The following NKTR variants were observed in gnomAD, a reference collection of about 807,000 sequenced individuals.
NKTR encodes NK-tumor recognition protein.
Under a neutral mutation model 156.3 loss-of-function variants are expected in NKTR, and 67 were observed. The observed-to-expected ratio is 0.43, with a 90% CI of 0.35 to 0.53. NKTR has a LOEUF of 0.53. NKTR is among the 20% of genes least tolerant of loss of function. NKTR has a pLI of 0.01. For missense variants in NKTR, 1,604 were observed against 1,730.9 expected, an observed-to-expected ratio of 0.93 and a Z score of 1.30; for synonymous variants, 640 against 596.6, an observed-to-expected ratio of 1.07 and a Z score of -1.06.
chr3:42,635,057 TAAA>T (rs58779310), intron 11 of NKTR, 161 bp from the exon 12 acceptor site: 11,298 of 284,906 alleles, frequency 0.04, 15 homozygotes, highest in East Asian at 0.062. Context: ...AGTTAAAAAC[TAAA>T]AAAAAAAAAA....
intron 8 of NKTR, among the ~76,000 whole-genome samples, chr3:42,632,061 CTTTT>C (rs564114469): frequency 1.4e-3 from 118 of 86,504 alleles, no homozygotes; most frequent in Non-Finnish European, 1.8e-3. Context: ...TTATGCAATT[CTTTT>C]TTTTTTTTTT....
At chr3:42,630,458 C>T in intron 6 of NKTR, 88 bp from the exon 7 acceptor site, 5 of 1,579,074 alleles carry the variant, frequency 3.2e-6, no homozygotes, top group East Asian at 2.4e-5. Context: ...CTTCTTTGTT[C>T]TCTACATGCT....
At position 42,638,613 on chromosome 3, in the gene NKTR, A is replaced by G; in HGVS notation, c.2909A>G (p.Asn970Ser). 6.2e-7 allele frequency: 1 copy of G among 1,613,862 alleles called. No individual in the cohort carries two copies. Among genetic ancestry groups the G allele is most frequent in the Non-Finnish European group, 8.5e-7 (1 of 1,179,972 alleles). The change falls in exon 13 of 17, where the codon AAT becomes AGT. Residue 970 changes from asparagine (N) to serine (S), a missense_variant. By Grantham distance (46) the Asn-to-Ser change is conservative (BLOSUM62 1). Transcript: ENST00000232978. ...GGGTCCTGTTCCAATTCGGAAAACA[A>G]TAGGGGAAAGCCACAAAAGCACAAA... is the stretch of plus-strand genomic sequence containing the variant. ...SEGSCSNSEN[N>S]RGKPQKHKHG...
chr3:42,638,101 C>T lies in NKTR; in HGVS notation c.2397C>T (p.Ser799=), dbSNP rs777557668. 78 of 1,613,780 alleles carry T rather than the reference C, an allele frequency of 4.8e-5. No homozygotes were observed. The highest frequency in any genetic ancestry group is 9.3e-5 in the African/African-American group (7 of 74,902). ...GGTCTTCATGTGTGAGAAAGTATAG[C>T]GAGAGCAGATCATCTTTAGATTATT... The part of the protein sequence containing the change: ...RDRSSCVRKY[S]ESRSSLDYSS... The change falls in exon 13 of 17, where the codon AGC becomes AGT. Residue 799 remains serine (S), a synonymous_variant. Transcript: ENST00000232978.
Position 42,603,374 on chromosome 3 carries a change from A to AC in NKTR, c.58+2310_58+2311insC, listed in dbSNP as rs1295953759. 1.2e-3 allele frequency among the ~76,000 whole-genome samples: 174 copies of AC among 142,182 alleles called. 1 individual carries two copies. Among genetic ancestry groups the AC allele is most frequent in the African/African-American group, 3.8e-3 (131 of 34,612 alleles). The allele number at this position is 142,182 out of a possible 152,430, so 93.3% of individuals were successfully genotyped here. ...GATCTTGTTTCTAAAAAAAAAAAAA[A>AC]AAAAAAAAAAACAGCTTAAGAAAAA... On this transcript the variant is annotated intron_variant, in intron 2 of 16. Coordinates refer to ENST00000232978, the MANE Select transcript of NKTR (RefSeq NM_005385.4).
intron 6 of NKTR, chr3:42,627,920 T>C: frequency 1.0e-6 from 1 of 985,080 alleles, no homozygotes; most frequent in Non-Finnish European, 1.2e-6. Context: ...GATTAAGAGT[T>C]AGTGAGATGA....
chr3:42,637,408 A>G lies in NKTR; in HGVS notation c.1704A>G (p.Arg568=). 6.2e-7 allele frequency: 1 copy of G among 1,613,516 alleles called. No individual in the cohort carries two copies. The highest frequency in any genetic ancestry group is 8.5e-7 in the Non-Finnish European group (1 of 1,179,872). The part of the protein sequence containing the change: ...GHRKRASKSP[R]KTASQLSENK... Reference sequence around the variant, plus strand: ...GAAAGAGAGCATCAAAATCACCAAGAAAAACAGCTTCTCAGTTAAGTGAAA... The same window carrying G: ...GAAAGAGAGCATCAAAATCACCAAGGAAAACAGCTTCTCAGTTAAGTGAAA... The change falls in exon 13 of 17, where the codon AGA becomes AGG. Residue 568 remains arginine, a synonymous_variant. Transcript: ENST00000232978.
intron 6 of NKTR, chr3:42,627,440 C>T (rs1577511861): frequency 1.0e-6 from 1 of 984,764 alleles, no homozygotes; most frequent in East Asian, 1.1e-4. Flanking sequence ...AGTTCCTGTA[C>T]ATCTTCTGGT....
chr3:42,615,445 G>A (rs1303340625), intron 2 of NKTR, among the ~76,000 whole-genome samples: 1 of 150,662 alleles, frequency 6.6e-6, no homozygotes, highest in Admixed American at 6.6e-5. Context: ...GGATAGGAAT[G>A]TAATCACATT....
At chr3:42,642,469 A>G (rs1321070876) in intron 13 of NKTR, 32 bp from the exon 14 acceptor site, 6 of 1,493,240 alleles carry the variant, frequency 4.0e-6, no homozygotes, top group Non-Finnish European at 5.6e-6. Context: ...AGTCAACATA[A>G]TTATATATTT....
chr3:42,617,477 G>T, intron 2 of NKTR, 93 bp from the exon 3 acceptor site: 1 of 643,664 alleles, frequency 1.6e-6, no homozygotes, highest in South Asian at 1.9e-5. Context: ...TACAAAAATA[G>T]ACTTTCTAAT....
At chr3:42,613,800 C>T (rs1240215846) in intron 2 of NKTR, among the ~76,000 whole-genome samples, 1 of 152,078 alleles carries the variant, frequency 6.6e-6, no homozygotes, top group Non-Finnish European at 1.5e-5. Flanking sequence ...TATTGTTCCC[C>T]TGTCTTATTT....
chr3:42,628,696 A>G, intron 6 of NKTR: 2 of 985,334 alleles, frequency 2.0e-6, no homozygotes, highest in Non-Finnish European at 2.4e-6. Context: ...CTGTAGAAAA[A>G]TTTACTTTTT....
intron 2 of NKTR, chr3:42,602,493 G>T (rs1189821765): frequency 6.6e-6 from 1 of 151,428 alleles, no homozygotes; most frequent in Non-Finnish European, 1.5e-5. Flanking sequence ...AGAGGAAAGA[G>T]AATAGTAAGA....
At chr3:42,616,529 A>G (rs751846072) in intron 2 of NKTR, among the ~76,000 whole-genome samples, 3 of 152,164 alleles carry the variant, frequency 2.0e-5, no homozygotes, top group African/African-American at 4.8e-5. Flanking sequence ...TTGTGTTTTA[A>G]ACATTTCTGA....
intron 6 of NKTR, among the ~76,000 whole-genome samples, chr3:42,626,158 C>T (rs115073503): frequency 0.012 from 1,680 of 144,190 alleles, 15 homozygotes; most frequent in Non-Finnish European, 0.016. Flanking sequence ...TTTACACCTA[C>T]AGTCACTTAT....
In NKTR at chr3:42,621,427, A is replaced by G; in HGVS notation, c.287-2A>G. ...TGACAAATTTGTGTTTTCTTCAAAC[A>G]GATGAAAACTTTATTCTCAAACATG... On this transcript the variant is annotated splice_acceptor_variant, in intron 5 of 16. Transcript: ENST00000232978. LOFTEE classifies it high-confidence loss of function. 6.2e-7 allele frequency: 1 copy of G among 1,602,574 alleles called. No homozygotes were observed. Among genetic ancestry groups the G allele is most frequent in the East Asian group, 2.2e-5 (1 of 44,640 alleles).
intron 9 of NKTR, 98 bp downstream of exon 9, chr3:42,632,921 T>C (rs917619110): frequency 1.4e-5 from 19 of 1,321,056 alleles, no homozygotes; most frequent in African/African-American, 3.0e-5. Flanking sequence ...TTACCTGTTA[T>C]TGAAAAAGGA....
intron 2 of NKTR, among the ~76,000 whole-genome samples, chr3:42,609,009 T>C (rs1188846724): frequency 6.6e-6 from 1 of 151,974 alleles, no homozygotes; most frequent in Non-Finnish European, 1.5e-5. Context: ...GCACCTGTAA[T>C]CACAGCTACT....
Sources: allele counts gnomAD v4.1 joint callset (sites outside exome capture counted in the v4.1 genomes callset), GRCh38; gene constraint gnomAD v4.1.1; transcripts MANE v1.5; gene names NCBI Gene and HGNC (gene_info 2026-07-23, HGNC 2026-07-21).